Variants in PDLIM1 observed in about 807,000 individuals in gnomAD.
PDLIM1 encodes PDZ and LIM domain protein 1.
A neutral mutation model predicts 35.2 loss-of-function variants in PDLIM1; 25 were observed. The observed-to-expected ratio is 0.71, with a 90% CI of 0.52 to 0.99. The LOEUF is 0.99. Among genes scored for constraint, PDLIM1 ranks in the 50% least tolerant of loss-of-function variants. The pLI is 0.00. For missense variants in PDLIM1, 363 were observed against 415.3 expected, an observed-to-expected ratio of 0.87 and a Z score of 1.09; for synonymous variants, 152 against 154.0, an observed-to-expected ratio of 0.99 and a Z score of 0.10.
chr10:95,254,331 G>GGA (rs2035292783), intron 4 of PDLIM1, among the ~76,000 whole-genome samples: 2 of 152,228 alleles, frequency 1.3e-5, no homozygotes, highest in South Asian at 4.2e-4. Context: ...AAAGAAAACA[G>GGA]GAGTGGCTAT....
intron 1 of PDLIM1, among the ~76,000 whole-genome samples, chr10:95,272,450 G>C (rs566914154): frequency 2.6e-5 from 4 of 152,282 alleles, no homozygotes; most frequent in South Asian, 2.1e-4. Flanking sequence ...GGCCAAGGCA[G>C]GCGGATCACC....
Position 95,290,493 on chromosome 10 carries a change from G to C in PDLIM1, c.96+327C>G, listed in dbSNP as rs1359073862. ...CCATCTCCCAGCGCGCGGGATCTGC[G>C]GGGACCCTCGTCCCCTCGCTGGTTG... On this transcript the variant is annotated intron_variant, in intron 1 of 6. Transcript: ENST00000329399. The surrounding 1 kb of genome is among the most constrained non-coding windows in gnomAD (Gnocchi z 4.7). 6.6e-6 allele frequency among the ~76,000 whole-genome samples: 1 copy of C among 152,020 alleles called. No homozygotes were observed. Among genetic ancestry groups the C allele is most frequent in the Non-Finnish European group, 1.5e-5 (1 of 67,994 alleles).
chr10:95,245,793 A>G (rs1640550492), intron 5 of PDLIM1, among the ~76,000 whole-genome samples: 1 of 152,210 alleles, frequency 6.6e-6, no homozygotes, highest in Admixed American at 6.5e-5. Flanking sequence ...CTATGGTTGT[A>G]AACTGCCACT....
At chr10:95,287,318 T>C (rs940165349) in intron 1 of PDLIM1, among the ~76,000 whole-genome samples, 2 of 152,178 alleles carry the variant, frequency 1.3e-5, no homozygotes, top group African/African-American at 4.8e-5. Context: ...TACGACATGA[T>C]GTAAAATCTA....
chr10:95,279,607 A>C (rs899578460), intron 1 of PDLIM1, among the ~76,000 whole-genome samples: 3 of 152,166 alleles, frequency 2.0e-5, no homozygotes, highest in African/African-American at 7.2e-5. Context: ...CAACACGCTG[A>C]GCTCTGCATG....
rs1349556545 is a variant in PDLIM1, at chr10:95,290,456, A to G, written c.96+364T>C. Among the ~76,000 whole-genome samples the G allele has an allele frequency of 6.6e-6, 1 of 151,496 alleles. No individual in the cohort carries two copies. Among genetic ancestry groups the G allele is most frequent in the African/African-American group, 2.4e-5 (1 of 41,262 alleles). On this transcript the variant is annotated intron_variant, in intron 1 of 6. Coordinates refer to ENST00000329399, the MANE Select transcript of PDLIM1 (RefSeq NM_020992.4). This position sits in a 1 kb window ranked among gnomAD's most constrained non-coding sequence, Gnocchi z 4.7. ...TTCGGCTGCACTGCGATCTGGGAAG[A>G]AGGGAGAAGTGCCATCTCCCAGCGC... is the stretch of plus-strand genomic sequence containing the variant.
chr10:95,287,249 C>A (rs188394997), intron 1 of PDLIM1, among the ~76,000 whole-genome samples: 5 of 152,180 alleles, frequency 3.3e-5, no homozygotes, highest in African/African-American at 1.2e-4. Flanking sequence ...CATAATGACC[C>A]TTTTTGGACA....
intron 1 of PDLIM1, among the ~76,000 whole-genome samples, chr10:95,276,327 T>C (rs933227457): frequency 9.9e-5 from 15 of 151,066 alleles, no homozygotes; most frequent in African/African-American, 9.7e-5. Flanking sequence ...AGGAGACTCA[T>C]CTGCAGTGGC....
At chr10:95,246,559 G>A (rs1479348998) in intron 5 of PDLIM1, among the ~76,000 whole-genome samples, 2 of 152,166 alleles carry the variant, frequency 1.3e-5, no homozygotes, top group Non-Finnish European at 2.9e-5. Flanking sequence ...ACTCAGTTAC[G>A]ATGATGGATG....
At position 95,261,084 on chromosome 10, in the gene PDLIM1, G is replaced by A. The variant is rs45482599; in HGVS notation, c.533+2780C>T. Among the ~76,000 whole-genome samples, 1,384 of 152,172 alleles carry A rather than the reference G, an allele frequency of 9.1e-3. 29 individuals carry two copies. Among genetic ancestry groups the A allele is most frequent in the African/African-American group, 0.031 (1,289 of 41,508 alleles). ...TGCAAAGAGACAAATTTTGATACTC[G>A]GCAACTACTGCAGCCAAAGAGTCTG... On this transcript the variant is annotated intron_variant, in intron 4 of 6. Transcript: ENST00000329399.
rs759484027 is a variant in PDLIM1, at chr10:95,263,971, G to A, written c.426C>T (p.Asn142=). 2 of 1,613,884 alleles carry A rather than the reference G, an allele frequency of 1.2e-6. No homozygotes were observed. The highest frequency in any genetic ancestry group is 2.2e-5 in the South Asian group (2 of 91,062). ...AGAGGCCAGCTGGGTTGTTGTACTG[G>A]TTTGTGATGACCCTGGCAGTAGTGC... The part of the protein sequence containing the change: ...ASSTTARVIT[N]QYNNPAGLYS... The change falls in exon 4 of 7, where the codon AAC becomes AAT. Residue 142 remains asparagine, a synonymous_variant. Transcript: ENST00000329399.
At chr10:95,289,732 G>A (rs554075309) in intron 1 of PDLIM1, among the ~76,000 whole-genome samples, 1 of 152,356 alleles carries the variant, frequency 6.6e-6, no homozygotes, top group South Asian at 2.1e-4. Flanking sequence ...GAAAGTCTGG[G>A]AGACAAGCTG....
At chr10:95,269,175 C>G (rs1378292912) in intron 2 of PDLIM1, among the ~76,000 whole-genome samples, 1 of 152,230 alleles carries the variant, frequency 6.6e-6, no homozygotes, top group African/African-American at 2.4e-5. Context: ...ACTGCCCTAT[C>G]TCTGCTCAGG....
rs1463167057 is a variant in PDLIM1, at chr10:95,290,543, C to A, written c.96+277G>T. Among the ~76,000 whole-genome samples, 1 of 152,170 alleles carries A rather than the reference C, an allele frequency of 6.6e-6. No individual in the cohort carries two copies. The highest frequency in any genetic ancestry group is 1.9e-4 in the East Asian group (1 of 5,182). Reference sequence around the variant, plus strand: ...GACAAAGAACTAACACCCGCCCCGCCGCGCTTCCGGGGCCAAAGAACGAAA... The same window carrying A: ...GACAAAGAACTAACACCCGCCCCGCAGCGCTTCCGGGGCCAAAGAACGAAA... On this transcript the variant is annotated intron_variant, in intron 1 of 6. Coordinates refer to ENST00000329399, the MANE Select transcript of PDLIM1 (RefSeq NM_020992.4). The surrounding 1 kb of genome is among the most constrained non-coding windows in gnomAD (Gnocchi z 4.7).
At chr10:95,286,525 C>T (rs1432601926) in intron 1 of PDLIM1, among the ~76,000 whole-genome samples, 1 of 152,156 alleles carries the variant, frequency 6.6e-6, no homozygotes, top group Non-Finnish European at 1.5e-5. Context: ...CAAGGTGCTC[C>T]GGACTAGAGC....
chr10:95,247,567 A>G (rs2035233398), intron 4 of PDLIM1: 5 of 478,800 alleles, frequency 1.0e-5, no homozygotes, highest in South Asian at 4.3e-5. Flanking sequence ...TGCTGCTTCA[A>G]TGCAATCAGA....
chr10:95,260,255 G>A (rs932677230), intron 4 of PDLIM1, among the ~76,000 whole-genome samples: 1 of 152,148 alleles, frequency 6.6e-6, no homozygotes, highest in African/African-American at 2.4e-5. Flanking sequence ...TTTTCCCAAG[G>A]TCACACAGCT....
intron 4 of PDLIM1, among the ~76,000 whole-genome samples, chr10:95,259,757 C>T (rs1437279165): frequency 6.6e-6 from 1 of 152,224 alleles, no homozygotes; most frequent in Non-Finnish European, 1.5e-5. Context: ...GAAAATGATG[C>T]ATCCCTTTAT....
chr10:95,274,679 T>C (rs778089720), intron 1 of PDLIM1, among the ~76,000 whole-genome samples: 5 of 152,176 alleles, frequency 3.3e-5, no homozygotes, highest in Non-Finnish European at 7.3e-5. Context: ...GGTTAGTTTG[T>C]TTAATGTTGA....
Sources: gnomAD v4.1 joint callset for allele counts (sites outside exome capture counted in the v4.1 genomes callset) on GRCh38, gnomAD v4.1.1 for gene constraint, Gnocchi (gnomAD v3.1) non-coding constraint, MANE v1.5 for transcripts, NCBI Gene and HGNC (gene_info 2026-07-23, HGNC 2026-07-21) for gene names.